Variants in MIB1 observed in about 807,000 individuals in gnomAD.
MIB1 encodes the protein E3 ubiquitin-protein ligase MIB1.
In MIB1, 278 loss-of-function variants were observed where a neutral mutation model predicts 124.5. The ratio of observed to expected loss-of-function variants is 2.23; its 90% CI spans 2.02 to 2.47. The LOEUF is 2.47. Among genes scored for constraint, MIB1 ranks in the 30% most tolerant of loss-of-function variants. The pLI is 0.00. For synonymous variants in MIB1, 446 were observed against 429.4 expected (o/e 1.04, Z -0.48); for missense variants, 957 against 1,254.4 (o/e 0.76, Z 3.58).
Position 21,773,725 on chromosome 18 carries a change from C to T in MIB1, c.633C>T (p.Gly211=), listed in dbSNP as rs1250367930. ...AKNLYRVGFE[G]MSDLKCVQDA... is the part of the protein sequence containing the mutation. Reference sequence around the variant, plus strand: ...ACCTTTACAGAGTTGGCTTTGAGGGCATGGTAAGTAGTGAAGAGCCATAGC... The same window carrying T: ...ACCTTTACAGAGTTGGCTTTGAGGGTATGGTAAGTAGTGAAGAGCCATAGC... Residue 211 remains glycine (G), a synonymous_variant, in exon 4 of 21, where the codon GGC becomes GGT. Transcript: ENST00000261537. 1 of 1,588,584 alleles carries T rather than the reference C, an allele frequency of 6.3e-7. No homozygotes were observed. Among genetic ancestry groups the T allele is most frequent in the Non-Finnish European group, 8.6e-7 (1 of 1,167,710 alleles).
rs1052871049 is a variant in MIB1, at chr18:21,844,094, TTTGG to T, written c.2054_2057del (p.Leu685SerfsTer22). On this transcript the variant is annotated frameshift_variant, in exon 15 of 21. Transcript: ENST00000261537. LOFTEE classifies it high-confidence loss of function. ...AATGAGACATCTTTCTCTTTTAGCT[TTTGG>T]TCCGTGCAGGTGCCAAGCTTGATAT... 6.2e-7 allele frequency: 1 copy of T among 1,613,524 alleles called. No individual in the cohort carries two copies. Among genetic ancestry groups the T allele is most frequent in the Non-Finnish European group, 8.5e-7 (1 of 1,179,894 alleles).
chr18:21,803,758 A>C (rs1458126302), intron 9 of MIB1, 149 bp from the exon 10 acceptor site: 1 of 501,552 alleles, frequency 2.0e-6, no homozygotes, highest in Non-Finnish European at 3.5e-6. Flanking sequence ...AGAAGTCTGT[A>C]GTTATCTGAA....
chr18:21,783,247 T>C (rs973932105), intron 6 of MIB1, among the ~76,000 whole-genome samples: 30 of 151,790 alleles, frequency 2.0e-4, no homozygotes, highest in Non-Finnish European at 2.9e-4. Flanking sequence ...TCTATGCCTT[T>C]TTTTTTTTTT....
chr18:21,807,825 T>G (rs991212598), intron 10 of MIB1, among the ~76,000 whole-genome samples: 4 of 152,050 alleles, frequency 2.6e-5, no homozygotes, highest in Non-Finnish European at 4.4e-5. Context: ...TGATTTGTTT[T>G]TTTATCAACT....
Position 21,868,672 on chromosome 18 carries a change from TC to T in MIB1, c.*4007del. The T allele has an allele frequency of 6.6e-6, 1 of 152,570 alleles. No individual in the cohort carries two copies. The highest frequency in any genetic ancestry group is 1.9e-4 in the East Asian group (1 of 5,190). The allele number at this position is 152,570 out of a possible 1,614,324, so 9.5% of individuals were successfully genotyped here. On this transcript the variant is annotated 3_prime_UTR_variant, in exon 21 of 21. Transcript: ENST00000261537. The stretch of plus-strand genomic sequence containing the variant: ...TTTCCCTCAAAAAGGCAACGTTACT[TC>T]ATTTGCTTGAATATTATGATAGGAA...
In MIB1 at chr18:21,849,376, A is replaced by G; in HGVS notation, c.2574A>G (p.Gln858=). ...GCCTCATCTGTAAAGAACAGGTTCA[A>G]TCCAGGACAAAGGTAAGATATATTT... is the stretch of plus-strand genomic sequence containing the variant. ...KKCLICKEQV[Q]SRTKIEECVV... Residue 858 remains glutamine (Q), a synonymous_variant, in exon 17 of 21, where the codon CAA becomes CAG. Transcript: ENST00000261537. 1 of 1,599,162 alleles carries G rather than the reference A, an allele frequency of 6.3e-7. No individual in the cohort carries two copies. Among genetic ancestry groups the G allele is most frequent in the Non-Finnish European group, 8.5e-7 (1 of 1,172,456 alleles).
chr18:21,729,913 A>G (rs1408294964), intron 1 of MIB1, among the ~76,000 whole-genome samples: 5 of 152,178 alleles, frequency 3.3e-5, no homozygotes, highest in African/African-American at 1.2e-4. Context: ...TTGGGGGACA[A>G]ACATTCAGAT....
chr18:21,787,901 A>G (rs1323492692), intron 6 of MIB1, among the ~76,000 whole-genome samples: 9 of 151,652 alleles, frequency 5.9e-5, no homozygotes, highest in Non-Finnish European at 1.2e-4. Flanking sequence ...TCACTTATGT[A>G]CCTTTTAACA....
chr18:21,836,015 A>AT (rs2146497238), intron 12 of MIB1, among the ~76,000 whole-genome samples: 1 of 151,832 alleles, frequency 6.6e-6, no homozygotes, highest in Non-Finnish European at 1.5e-5. Context: ...TTGGGAGGCT[A>AT]AGGCAGGTGG....
intron 20 of MIB1, among the ~76,000 whole-genome samples, chr18:21,860,098 C>CTTTTTTTTTTTT (rs398032096): frequency 0.014 from 375 of 26,458 alleles, 115 homozygotes; most frequent in Middle Eastern, 0.077. Flanking sequence ...TTCTTTATGT[C>CTTTTTTTTTTTT]TTTTTTTTTT....
Position 21,869,403 on chromosome 18 carries a change from C to CG in MIB1, c.*4737_*4738insG, listed in dbSNP as rs2146531130. On this transcript the variant is annotated 3_prime_UTR_variant, in exon 21 of 21. Transcript: ENST00000261537. ...AATTGTCAGTTATATTTTGGAAACT[C>CG]CATCTGTGTAATTCTCCAGTGCCTT... 6.6e-6 allele frequency: 1 copy of CG among 152,536 alleles called. No individual in the cohort carries two copies. The highest frequency in any genetic ancestry group is 1.9e-4 in the East Asian group (1 of 5,182). 9.4% of individuals were successfully genotyped at this position (152,536 alleles called of 1,614,324 possible). A position where few individuals can be genotyped will look rare whatever the true frequency, so the allele number is the denominator to read the frequency against.
chr18:21,791,623 A>T, intron 7 of MIB1, 66 bp downstream of exon 7: 1 of 1,293,286 alleles, frequency 7.7e-7, no homozygotes, highest in Non-Finnish European at 1.1e-6. Context: ...TTAAAAGTAA[A>T]TTAATGTAGA....
chr18:21,806,984 T>C (rs953269675), intron 10 of MIB1, among the ~76,000 whole-genome samples: 10 of 152,240 alleles, frequency 6.6e-5, no homozygotes, highest in Non-Finnish European at 1.3e-4. Flanking sequence ...CATGGGACTT[T>C]TACCATATTC....
intron 20 of MIB1, among the ~76,000 whole-genome samples, chr18:21,861,588 T>C (rs901145870): frequency 2.0e-5 from 3 of 151,836 alleles, no homozygotes. Context: ...TTAAACAGTT[T>C]TATCAAAACT....
At chr18:21,801,511 C>T (rs1453940095) in intron 9 of MIB1, among the ~76,000 whole-genome samples, 1 of 152,080 alleles carries the variant, frequency 6.6e-6, no homozygotes, top group African/African-American at 2.4e-5. Flanking sequence ...GTATAATTTC[C>T]ATACAGTGAA....
At chr18:21,814,652 C>T (rs753488049) in intron 10 of MIB1, among the ~76,000 whole-genome samples, 1 of 151,970 alleles carries the variant, frequency 6.6e-6, no homozygotes, top group Non-Finnish European at 1.5e-5. Flanking sequence ...CAGCTCACTG[C>T]AACCTCTGCC....
At chr18:21,836,453 A>G (rs1223803785) in intron 12 of MIB1, among the ~76,000 whole-genome samples, 2 of 152,174 alleles carry the variant, frequency 1.3e-5, no homozygotes, top group Admixed American at 6.5e-5. Context: ...TACAAAACTT[A>G]TAATGAAAGA....
intron 1 of MIB1, among the ~76,000 whole-genome samples, chr18:21,753,376 C>T (rs916729651): frequency 1.3e-5 from 2 of 151,710 alleles, no homozygotes; most frequent in Non-Finnish European, 2.9e-5. Context: ...TTAGTAGAGA[C>T]GGGGTTTCAC....
upstream of MIB1, among the ~76,000 whole-genome samples, chr18:21,737,449 G>T (rs1015909876): frequency 1.5e-4 from 23 of 152,094 alleles, no homozygotes; most frequent in Non-Finnish European, 2.9e-4. Flanking sequence ...GACCATCGAC[G>T]CTATGAAGAA....
Sources: gnomAD v4.1 joint callset for allele counts (sites outside exome capture counted in the v4.1 genomes callset) on GRCh38, gnomAD v4.1.1 for gene constraint, MANE v1.5 for transcripts, NCBI Gene and HGNC (gene_info 2026-07-23, HGNC 2026-07-21) for gene names.